KCNJ6: variants seen among roughly 807,000 people sequenced by gnomAD.
KCNJ6 encodes potassium inwardly rectifying channel subfamily J member 6, also known as G protein-activated inward rectifier potassium channel 2.
KCNJ6 carries 9 observed loss-of-function variants against 34.2 expected under a neutral mutation model. The ratio of observed to expected loss-of-function variants is 0.26; its 90% CI spans 0.16 to 0.46. The LOEUF (loss-of-function observed/expected upper bound fraction) is 0.46. KCNJ6 is among the 20% of genes least tolerant of loss of function. KCNJ6 has a pLI of 1.00. For synonymous variants in KCNJ6, 196 were observed against 207.1 expected (o/e 0.95, Z 0.46); for missense variants, 236 against 531.3 (o/e 0.44, Z 5.46).
At chr21:37,789,874 G>A (rs149899463) in intron 2 of KCNJ6, among the ~76,000 whole-genome samples, 40 of 152,298 alleles carry the variant, frequency 2.6e-4, no homozygotes, top group African/African-American at 8.7e-4. Context: ...GGACACATAT[G>A]CATTAGTCTG....
chr21:37,849,973 GTC>G, intron 1 of KCNJ6, among the ~76,000 whole-genome samples: 1 of 152,330 alleles, frequency 6.6e-6, no homozygotes, highest in Admixed American at 6.5e-5. Flanking sequence ...TGAATGGAAT[GTC>G]CCTGAACAGC....
intron 3 of KCNJ6, among the ~76,000 whole-genome samples, chr21:37,654,205 T>A (rs1401688908): frequency 4.0e-5 from 6 of 151,102 alleles, no homozygotes; most frequent in Non-Finnish European, 8.8e-5. Context: ...CACTTTTTCC[T>A]TTCATTCATT....
Position 37,906,970 on chromosome 21 carries a change from C to T in KCNJ6, c.-28+8914G>A, listed in dbSNP as rs113742966. 9.9e-3 allele frequency among the ~76,000 whole-genome samples: 1,513 copies of T among 152,284 alleles called. 25 individuals carry two copies. The highest frequency in any genetic ancestry group is 0.033 in the African/African-American group (1,352 of 41,550). ...TGAAGAGGAAGGAATCTACCCCATT[C>T]GTTGCCATTATTGAAACTAGATTTC... On this transcript the variant is annotated intron_variant, in intron 1 of 3. Transcript: ENST00000609713.
rs546715908 is a variant in KCNJ6, at chr21:37,858,324, C to T, written c.-27-17615G>A. ...AGGAGAATGGCGTGAACCCGGGAGGCGGAGCTTGCAGTGAGCCGAGATCTG... is the reference window on the plus strand; with the variant it reads ...AGGAGAATGGCGTGAACCCGGGAGGTGGAGCTTGCAGTGAGCCGAGATCTG... On this transcript the variant is annotated intron_variant, in intron 1 of 3. Coordinates refer to ENST00000609713, the MANE Select transcript of KCNJ6 (RefSeq NM_002240.5). Among the ~76,000 whole-genome samples the T allele has an allele frequency of 5.5e-5, 7 of 126,644 alleles. No individual in the cohort carries two copies. The East Asian group carries it at 1.6e-3, about 30-fold the overall frequency. The allele number at this position is 126,644 out of a possible 152,430, so 83.1% of individuals were successfully genotyped here. A position where few individuals can be genotyped will look rare whatever the true frequency, so the allele number is the denominator to read the frequency against.
At chr21:37,843,592 A>G (rs1430596354) in intron 1 of KCNJ6, among the ~76,000 whole-genome samples, 4 of 152,222 alleles carry the variant, frequency 2.6e-5, no homozygotes, top group Non-Finnish European at 5.9e-5. Flanking sequence ...TTTAAAGCCA[A>G]GAGTTTCCTT....
intron 1 of KCNJ6, among the ~76,000 whole-genome samples, chr21:37,863,149 GTTAT>G (rs371002172): frequency 2.9e-4 from 44 of 150,822 alleles, no homozygotes; most frequent in African/African-American, 1.1e-3. Flanking sequence ...CTTATTTTGT[GTTAT>G]TTGATTCATT....
rs143448995 is a variant in KCNJ6 at position 37,620,043 on chromosome 21, G to A, written c.*5116C>T. 1 of 152,070 alleles carries A rather than the reference G, an allele frequency of 6.6e-6. No homozygotes were observed. Among genetic ancestry groups the A allele is most frequent in the Admixed American group, 6.6e-5 (1 of 15,262 alleles). The allele number at this position is 152,070 out of a possible 1,614,324, so 9.4% of individuals were successfully genotyped here. A position where few individuals can be genotyped will look rare whatever the true frequency, so the allele number is the denominator to read the frequency against. Reference sequence around the variant, plus strand: ...TCTCTTTGACAACCGAAAAAAAAGAGTTATGTTATTTTGAACAGACTTATG... The same window carrying A: ...TCTCTTTGACAACCGAAAAAAAAGAATTATGTTATTTTGAACAGACTTATG... On this transcript the variant is annotated 3_prime_UTR_variant, in exon 4 of 4. Coordinates refer to ENST00000609713, the MANE Select transcript of KCNJ6 (RefSeq NM_002240.5).
At chr21:37,848,845 C>T (rs572225755) in intron 1 of KCNJ6, among the ~76,000 whole-genome samples, 1 of 152,090 alleles carries the variant, frequency 6.6e-6, no homozygotes, top group South Asian at 2.1e-4. Flanking sequence ...TTCTCCAAAC[C>T]CAGCTGTGTG....
chr21:37,702,762 A>T (rs1335865667), intron 3 of KCNJ6, among the ~76,000 whole-genome samples: 2 of 152,156 alleles, frequency 1.3e-5, no homozygotes, highest in East Asian at 1.9e-4. Context: ...GGAAGAGGAG[A>T]ATAGCTTGCA....
intron 2 of KCNJ6, among the ~76,000 whole-genome samples, chr21:37,757,680 A>G (rs73904466): frequency 0.016 from 2,333 of 147,840 alleles, 50 homozygotes; most frequent in African/African-American, 0.055. Context: ...TGGAGAGAGT[A>G]CTCCCTCACA....
In KCNJ6 at chr21:37,616,921, G is replaced by A. The variant is rs577371201; in HGVS notation, c.*8238C>T. 6.6e-6 allele frequency: 1 copy of A among 151,992 alleles called. No homozygotes were observed. The highest frequency in any genetic ancestry group is 2.4e-5 in the African/African-American group (1 of 41,442). 9.4% of individuals were successfully genotyped at this position (151,992 alleles called of 1,614,324 possible). A position where few individuals can be genotyped will look rare whatever the true frequency, so the allele number is the denominator to read the frequency against. Reference sequence around the variant, plus strand: ...TGCAGAGTTCCTTGCAGATAATAACGGGACTTGAAATTGATGCCTTCATTT... The same window carrying A: ...TGCAGAGTTCCTTGCAGATAATAACAGGACTTGAAATTGATGCCTTCATTT... On this transcript the variant is annotated 3_prime_UTR_variant, in exon 4 of 4. Coordinates refer to ENST00000609713, the MANE Select transcript of KCNJ6 (RefSeq NM_002240.5).
At chr21:37,890,503 A>G (rs2055757042) in intron 1 of KCNJ6, among the ~76,000 whole-genome samples, 1 of 152,194 alleles carries the variant, frequency 6.6e-6, no homozygotes, top group African/African-American at 2.4e-5. Context: ...AACCTACGAC[A>G]TAAAAGACTT....
At chr21:37,849,545 C>A (rs1275357019) in intron 1 of KCNJ6, among the ~76,000 whole-genome samples, 1 of 152,212 alleles carries the variant, frequency 6.6e-6, no homozygotes, top group African/African-American at 2.4e-5. Flanking sequence ...ATCCACTCTG[C>A]ACTCCCAGCT....
intron 2 of KCNJ6, among the ~76,000 whole-genome samples, chr21:37,821,682 C>G (rs191970362): frequency 9.2e-5 from 14 of 152,088 alleles, no homozygotes; most frequent in African/African-American, 3.1e-4. Flanking sequence ...TGTTAGGGTA[C>G]TTTATTTCTT....
chr21:37,811,511 T>G (rs533358467), intron 2 of KCNJ6, among the ~76,000 whole-genome samples: 1 of 152,282 alleles, frequency 6.6e-6, no homozygotes, highest in Admixed American at 6.5e-5. Context: ...TGCATTAAAT[T>G]GCAGGATGCT....
chr21:37,626,989 A>C (rs1423419850), intron 3 of KCNJ6, among the ~76,000 whole-genome samples: 1 of 152,192 alleles, frequency 6.6e-6, no homozygotes, highest in Non-Finnish European at 1.5e-5. Context: ...CCAGCCAGCC[A>C]GTCAGTATGT....
chr21:37,754,402 G>A (rs1246780463), intron 2 of KCNJ6, among the ~76,000 whole-genome samples: 1 of 152,210 alleles, frequency 6.6e-6, no homozygotes, highest in Non-Finnish European at 1.5e-5. Context: ...TTTGTTAGCA[G>A]AACACAGAGT....
chr21:37,900,310 T>C (rs1045289101), intron 1 of KCNJ6, among the ~76,000 whole-genome samples: 5 of 152,178 alleles, frequency 3.3e-5, no homozygotes, highest in African/African-American at 1.2e-4. Flanking sequence ...TATAGGATGC[T>C]ATAAATCCAC....
At chr21:37,646,683 T>G (rs1429469181) in intron 3 of KCNJ6, among the ~76,000 whole-genome samples, 2 of 26,336 alleles carry the variant, frequency 7.6e-5, no homozygotes, top group Non-Finnish European at 1.3e-4. Flanking sequence ...TTTTTATTTT[T>G]TTTTTTGAGA....
Sources: gnomAD v4.1 joint callset for allele counts (sites outside exome capture counted in the v4.1 genomes callset) on GRCh38, gnomAD v4.1.1 for gene constraint, MANE v1.5 for transcripts, NCBI Gene and HGNC (gene_info 2026-07-23, HGNC 2026-07-21) for gene names.